Variants in ZNF407 observed in about 807,000 individuals in gnomAD.
ZNF407 encodes zinc finger protein 407.
In ZNF407, 17 loss-of-function variants were observed where a neutral mutation model predicts 131.2. The ratio of observed to expected loss-of-function variants is 0.13; its 90% CI spans 0.09 to 0.19. ZNF407 has a LOEUF of 0.19. Among genes scored for constraint, ZNF407 ranks in the 10% least tolerant of loss-of-function variants. The pLI is 1.00. For missense variants in ZNF407, 2,681 were observed against 2,830.6 expected, an observed-to-expected ratio of 0.95 and a Z score of 1.20; for synonymous variants, 1,156 against 1,062.0, an observed-to-expected ratio of 1.09 and a Z score of -1.72.
At chr18:74,873,364 A>C (rs1051656731) in intron 4 of ZNF407, among the ~76,000 whole-genome samples, 2 of 152,196 alleles carry the variant, frequency 1.3e-5, no homozygotes, top group Non-Finnish European at 2.9e-5. Context: ...TCAGAGAAGG[A>C]ATACCTTGGC....
chr18:74,787,520 C>T (rs979757528), intron 4 of ZNF407, among the ~76,000 whole-genome samples: 2 of 152,150 alleles, frequency 1.3e-5, no homozygotes, highest in African/African-American at 4.8e-5. Flanking sequence ...GGCTCCTCTG[C>T]GGGGTGGAGA....
chr18:74,849,223 C>T (rs1970747053), intron 4 of ZNF407, among the ~76,000 whole-genome samples: 2 of 151,646 alleles, frequency 1.3e-5, no homozygotes, highest in African/African-American at 2.4e-5. Context: ...GGATTACAGG[C>T]GCCTGCCACA....
At chr18:74,696,720 T>C (rs1967366609) in intron 3 of ZNF407, among the ~76,000 whole-genome samples, 2 of 152,146 alleles carry the variant, frequency 1.3e-5, no homozygotes, top group African/African-American at 4.8e-5. Context: ...AAACTGGCAG[T>C]GGGTGCTGAT....
chr18:74,598,847 T>C (rs1330437070), intron 1 of ZNF407, among the ~76,000 whole-genome samples: 1 of 152,262 alleles, frequency 6.6e-6, no homozygotes, highest in African/African-American at 2.4e-5. Flanking sequence ...GCCGCTGACC[T>C]CTGTCGGTTG....
At chr18:74,912,351 G>A (rs1971685761) in intron 7 of ZNF407, among the ~76,000 whole-genome samples, 2 of 151,962 alleles carry the variant, frequency 1.3e-5, no homozygotes, top group African/African-American at 4.8e-5. Context: ...GTTCTGGGTG[G>A]GCAGTTGTGA....
intron 4 of ZNF407, among the ~76,000 whole-genome samples, chr18:74,837,622 T>C (rs1182792549): frequency 2.0e-5 from 3 of 152,260 alleles, no homozygotes; most frequent in Non-Finnish European, 2.9e-5. Flanking sequence ...GCTTTTTTTT[T>C]TCTTTTATGG....
chr18:75,030,378 C>T (rs1973225873), intron 8 of ZNF407, among the ~76,000 whole-genome samples: 1 of 152,164 alleles, frequency 6.6e-6, no homozygotes, highest in Non-Finnish European at 1.5e-5. Context: ...TAAATTATGG[C>T]TTTCACAGAT....
At chr18:74,820,213 C>G (rs758860598) in intron 4 of ZNF407, among the ~76,000 whole-genome samples, 1 of 152,162 alleles carries the variant, frequency 6.6e-6, no homozygotes, top group African/African-American at 2.4e-5. Flanking sequence ...GGGAGGTTTG[C>G]GTGTGCACAA....
At chr18:74,745,488 C>T (rs1318474181) in intron 3 of ZNF407, among the ~76,000 whole-genome samples, 9 of 152,276 alleles carry the variant, frequency 5.9e-5, no homozygotes, top group Middle Eastern at 3.4e-3. Context: ...TTTTCCTCAT[C>T]CTTTCTATTC....
intron 8 of ZNF407, among the ~76,000 whole-genome samples, chr18:74,947,610 C>G (rs1365193843): frequency 6.6e-6 from 1 of 152,210 alleles, no homozygotes; most frequent in Admixed American, 6.5e-5. Flanking sequence ...ATCGGCTGCT[C>G]TCTCCCCTCG....
chr18:75,064,602 C>A lies in ZNF407; in HGVS notation c.*134C>A. On this transcript the variant is annotated 3_prime_UTR_variant, in exon 9 of 9. Transcript: ENST00000299687. ...GGCTCCCGTGAGCTCTGAGCATGCC[C>A]TCCCAGCGAGAGTCACACTGGCCAC... The A allele has an allele frequency of 1.2e-6, 1 of 838,456 alleles. No individual in the cohort carries two copies. Among genetic ancestry groups the A allele is most frequent in the Non-Finnish European group, 1.7e-6 (1 of 578,918 alleles). 51.9% of individuals were successfully genotyped at this position (838,456 alleles called of 1,614,324 possible).
chr18:74,785,221 G>C (rs1969680428), intron 4 of ZNF407, among the ~76,000 whole-genome samples: 1 of 152,206 alleles, frequency 6.6e-6, no homozygotes, highest in South Asian at 2.1e-4. Flanking sequence ...TTTTGTCGGA[G>C]TCTGTGAAGT....
chr18:74,727,964 G>A (rs1032432559), intron 3 of ZNF407, among the ~76,000 whole-genome samples: 1 of 152,170 alleles, frequency 6.6e-6, no homozygotes, highest in African/African-American at 2.4e-5. Context: ...TTTTGCTTCA[G>A]TGTGCTGGGG....
intron 4 of ZNF407, among the ~76,000 whole-genome samples, chr18:74,854,609 C>T (rs2145151170): frequency 6.6e-6 from 1 of 152,128 alleles, no homozygotes; most frequent in East Asian, 1.9e-4. Flanking sequence ...ATAATCTCCC[C>T]CTTTAAAAAT....
At chr18:74,682,859 C>T (rs886612377) in intron 3 of ZNF407, among the ~76,000 whole-genome samples, 3 of 152,118 alleles carry the variant, frequency 2.0e-5, no homozygotes, top group Non-Finnish European at 4.4e-5. Context: ...TCCATCAGGG[C>T]GATTGCGCTT....
At chr18:74,718,142 C>T (rs926565059) in intron 3 of ZNF407, among the ~76,000 whole-genome samples, 2 of 151,902 alleles carry the variant, frequency 1.3e-5, no homozygotes, top group Non-Finnish European at 2.9e-5. Flanking sequence ...CCTCTGAAAC[C>T]ATTGACGAAT....
chr18:74,605,208 A>G (rs1982750892), intron 1 of ZNF407, among the ~76,000 whole-genome samples: 1 of 145,122 alleles, frequency 6.9e-6, no homozygotes, highest in Non-Finnish European at 1.6e-5. Context: ...CTTGAAGAGC[A>G]CCTCCTTCAC....
intron 1 of ZNF407, among the ~76,000 whole-genome samples, chr18:74,619,800 C>T (rs1983443949): frequency 6.6e-6 from 1 of 151,882 alleles, no homozygotes; most frequent in South Asian, 2.1e-4. Context: ...ACAGCAAATC[C>T]CATTTCTCTG....
At chr18:74,681,584 A>T (rs996610468) in intron 3 of ZNF407, among the ~76,000 whole-genome samples, 4 of 152,120 alleles carry the variant, frequency 2.6e-5, no homozygotes, top group Non-Finnish European at 5.9e-5. Flanking sequence ...TATGGTTGAG[A>T]TGTTGTGTTA....
Sources: allele counts gnomAD v4.1 joint callset (sites outside exome capture counted in the v4.1 genomes callset), GRCh38; gene constraint gnomAD v4.1.1; transcripts MANE v1.5; gene names NCBI Gene and HGNC (gene_info 2026-07-23, HGNC 2026-07-21).